The following USO1 variants were observed in gnomAD, a reference collection of about 807,000 sequenced individuals.
USO1 encodes the protein general vesicular transport factor p115.
A neutral mutation model predicts 124.5 loss-of-function variants in USO1; 57 were observed. The observed-to-expected ratio is 0.46, with a 90% CI of 0.37 to 0.57. USO1 has a LOEUF of 0.57. Ranked by LOEUF, USO1 falls within the 20% of genes least tolerant of loss-of-function variation. USO1 has a pLI of 0.00. For missense variants in USO1, 900 were observed against 1,040.6 expected, an observed-to-expected ratio of 0.86 and a Z score of 1.86; for synonymous variants, 369 against 362.8, an observed-to-expected ratio of 1.02 and a Z score of -0.19.
At chr4:75,753,958 T>C (rs1260560105) in intron 3 of USO1, among the ~76,000 whole-genome samples, 1 of 151,814 alleles carries the variant, frequency 6.6e-6, no homozygotes, top group Non-Finnish European at 1.5e-5. Context: ...TGGCTAATTT[T>C]TTGTATTTTT....
intron 13 of USO1, among the ~76,000 whole-genome samples, chr4:75,794,521 G>A (rs1361495835): frequency 6.6e-6 from 1 of 152,130 alleles, no homozygotes; most frequent in African/African-American, 2.4e-5. Context: ...GTCACTTTTT[G>A]TTATGTGATT....
intron 13 of USO1, among the ~76,000 whole-genome samples, chr4:75,798,714 T>G (rs1275192957): frequency 6.6e-6 from 1 of 152,228 alleles, no homozygotes; most frequent in Non-Finnish European, 1.5e-5. Context: ...ATGATTACTT[T>G]AAATTCATTC....
chr4:75,811,250 G>A (rs1215073573), intron 22 of USO1, among the ~76,000 whole-genome samples: 1 of 151,816 alleles, frequency 6.6e-6, no homozygotes, highest in Non-Finnish European at 1.5e-5. Flanking sequence ...CCACCTCCCA[G>A]ATTCAAGCGA....
intron 20 of USO1, among the ~76,000 whole-genome samples, chr4:75,807,727 T>C (rs951118425): frequency 1.3e-5 from 2 of 152,174 alleles, no homozygotes; most frequent in Non-Finnish European, 2.9e-5. Flanking sequence ...GGGAATTAAG[T>C]TACTAATATA....
intron 4 of USO1, among the ~76,000 whole-genome samples, chr4:75,764,121 G>C (rs1162048216): frequency 6.6e-6 from 1 of 152,132 alleles, no homozygotes. Context: ...AGTTCAAAAT[G>C]TAAATTTTAA....
intron 22 of USO1, among the ~76,000 whole-genome samples, chr4:75,811,136 T>G (rs925179972): frequency 6.6e-6 from 1 of 152,128 alleles, no homozygotes; most frequent in Non-Finnish European, 1.5e-5. Flanking sequence ...GAAAATATTT[T>G]TGTTTTCTTT....
chr4:75,752,388 G>A lies in USO1; in HGVS notation c.82G>A (p.Asp28Asn), dbSNP rs1721317177. 1 of 397,960 alleles carries A rather than the reference G, an allele frequency of 2.5e-6. No individual in the cohort carries two copies. Among genetic ancestry groups the A allele is most frequent in the Non-Finnish European group, 4.4e-6 (1 of 225,932 alleles). 24.7% of individuals were successfully genotyped at this position (397,960 alleles called of 1,614,324 possible). The stretch of plus-strand genomic sequence containing the variant: ...TTCATGACAGATTCAAAAGCTTTGT[G>A]ACAGAGTAGCTTCATCTACTTTATT... ...TEAETIQKLC[D>N]RVASSTLLDD... Residue 28 changes from aspartate to asparagine, a missense_variant, in exon 2 of 24, where the codon GAC becomes AAC. This residue lies in a region of USO1 where 538 missense variants were observed against 681.6 expected (regional missense o/e 0.79). Coordinates refer to ENST00000514213, the MANE Select transcript of USO1 (RefSeq NM_003715.4).
intron 1 of USO1, among the ~76,000 whole-genome samples, chr4:75,748,193 C>T (rs192488199): frequency 8.8e-5 from 13 of 148,138 alleles, no homozygotes; most frequent in Admixed American, 4.8e-4. Context: ...CGTGAGCCAT[C>T]GTGCCCAGCT....
At chr4:75,773,804 C>G (rs965946078) in intron 7 of USO1, among the ~76,000 whole-genome samples, 13 of 152,092 alleles carry the variant, frequency 8.5e-5, no homozygotes, top group African/African-American at 2.9e-4. Context: ...CATTTTTTGT[C>G]TTATATGAAT....
chr4:75,741,601 CTTTT>C (rs34702586), intron 1 of USO1, among the ~76,000 whole-genome samples: 1 of 78,846 alleles, frequency 1.3e-5, no homozygotes, highest in Non-Finnish European at 2.2e-5. Context: ...ACTTTTTAAA[CTTTT>C]TTTTTTTTTT....
chr4:75,783,861 A>T (rs324735), intron 9 of USO1, among the ~76,000 whole-genome samples: 98,500 of 152,092 alleles, frequency 0.65, 34,077 homozygotes, highest in East Asian at 0.91. Flanking sequence ...AAAAGTATTT[A>T]CCAGGAGAAC....
intron 1 of USO1, among the ~76,000 whole-genome samples, chr4:75,750,032 C>T (rs1277521919): frequency 6.6e-6 from 1 of 152,176 alleles, no homozygotes; most frequent in African/African-American, 2.4e-5. Flanking sequence ...GGATTATAGG[C>T]GTGAGCCACC....
chr4:75,746,493 A>G (rs929468623), intron 1 of USO1, among the ~76,000 whole-genome samples: 1 of 152,230 alleles, frequency 6.6e-6, no homozygotes, highest in Admixed American at 6.5e-5. Context: ...CTGAGTAGAA[A>G]CTAAGCGTAC....
chr4:75,749,597 C>T (rs1721239835), intron 1 of USO1, among the ~76,000 whole-genome samples: 1 of 151,252 alleles, frequency 6.6e-6, no homozygotes, highest in Non-Finnish European at 1.5e-5. Flanking sequence ...CATGGTCTCA[C>T]TATGTTGCCC....
chr4:75,812,891 A>C (rs936863082), intron 23 of USO1, among the ~76,000 whole-genome samples: 2 of 152,096 alleles, frequency 1.3e-5, no homozygotes, highest in African/African-American at 4.8e-5. Flanking sequence ...TGGGCAGATT[A>C]CCTGAGGTCA....
At chr4:75,800,518 C>T (rs545199904) in intron 15 of USO1, 49 bp downstream of exon 15, 555 of 1,376,678 alleles carry the variant, frequency 4.0e-4, no homozygotes, top group South Asian at 1.4e-3. Context: ...GATAATGATG[C>T]TTTTTTTTTT....
At chr4:75,806,152 C>T (rs994244358) in intron 19 of USO1, among the ~76,000 whole-genome samples, 7 of 152,052 alleles carry the variant, frequency 4.6e-5, no homozygotes, top group Non-Finnish European at 1.0e-4. Context: ...CTGCCACGTC[C>T]GGCTAATTTT....
intron 4 of USO1, chr4:75,760,711 T>C (rs542561170): frequency 1.5e-4 from 57 of 393,086 alleles, no homozygotes; most frequent in Non-Finnish European, 2.4e-4. Flanking sequence ...AAAAAAAATC[T>C]GAAATTTGTT....
At chr4:75,796,371 C>G (rs900626306) in intron 13 of USO1, among the ~76,000 whole-genome samples, 6 of 57,308 alleles carry the variant, frequency 1.0e-4, no homozygotes, top group Middle Eastern at 0.017. Context: ...AGTCTCACTC[C>G]GTTGCCCAGA....
Sources: allele counts gnomAD v4.1 joint callset (sites outside exome capture counted in the v4.1 genomes callset), GRCh38; gene constraint gnomAD v4.1.1; regional missense constraint gnomAD v4.1.1; transcripts MANE v1.5; gene names NCBI Gene and HGNC (gene_info 2026-07-23, HGNC 2026-07-21).